The following SNTB1 variants were observed in gnomAD, a reference collection of about 807,000 sequenced individuals.
The protein encoded by SNTB1 is syntrophin beta 1.
Under a neutral mutation model 48.9 loss-of-function variants are expected in SNTB1, and 36 were observed. The ratio of observed to expected loss-of-function variants is 0.74; its 90% CI spans 0.56 to 0.97. The LOEUF is 0.97. SNTB1 is among the 50% of genes least tolerant of loss of function. The pLI is 0.00. For missense variants in SNTB1, 786 were observed against 703.4 expected (o/e 1.12, Z -1.33); for synonymous variants, 299 against 294.6 (o/e 1.01, Z -0.15).
chr8:120,639,875 C>T (rs777743709), intron 2 of SNTB1, among the ~76,000 whole-genome samples: 1 of 152,068 alleles, frequency 6.6e-6, no homozygotes, highest in East Asian at 1.9e-4. Context: ...CTTTTTTGTT[C>T]CATACGAACT....
intron 1 of SNTB1, among the ~76,000 whole-genome samples, chr8:120,709,827 T>C (rs776575603): frequency 2.0e-5 from 3 of 152,112 alleles, no homozygotes; most frequent in Non-Finnish European, 4.4e-5. Context: ...TGAGATTTCT[T>C]CTCTTGAAAA....
rs1418948743 is a variant in SNTB1 at position 120,688,009 on chromosome 8, C to T, written c.788+5683G>A. ...TATCCAGGCATCTTACAGGACTTAACAGATGGCACCTCTCTGAATCACAGT... is the reference window on the plus strand; with the variant it reads ...TATCCAGGCATCTTACAGGACTTAATAGATGGCACCTCTCTGAATCACAGT... On this transcript the variant is annotated intron_variant, in intron 2 of 6. Transcript: ENST00000517992. Among the ~76,000 whole-genome samples, 4 of 152,194 alleles carry T rather than the reference C, an allele frequency of 2.6e-5. No homozygotes were observed. The East Asian group carries it at 5.8e-4, about 22-fold the overall frequency.
chr8:120,547,710 T>C (rs1317926846), intron 5 of SNTB1, among the ~76,000 whole-genome samples: 1 of 152,104 alleles, frequency 6.6e-6, no homozygotes, highest in Non-Finnish European at 1.5e-5. Context: ...GGTTCTTCCT[T>C]CTACACACAT....
chr8:120,635,223 A>G (rs1448174658), intron 2 of SNTB1, among the ~76,000 whole-genome samples: 1 of 152,178 alleles, frequency 6.6e-6, no homozygotes, highest in Non-Finnish European at 1.5e-5. Flanking sequence ...TGGGTAATAA[A>G]TCTAAGGTGA....
rs746616541 is a variant in SNTB1, at chr8:120,632,451, G to A, written c.989C>T (p.Ala330Val). The change falls in exon 3 of 7, where the codon GCA (alanine) becomes GTA (valine). Residue 330 changes from alanine (A) to valine (V), a missense_variant. By Grantham distance (64) the Ala-to-Val change is moderately conservative. Transcript: ENST00000517992. Reference protein sequence around the residue: ...SREIRHLGWLAEKVPGESKKQ... With the variant: ...SREIRHLGWLVEKVPGESKKQ... ...GGAAGGTATTTTCCTTACCTTTTCTGCAAGCCAGCCAAGATGCCTAATCTC... is the reference window on the plus strand; with the variant it reads ...GGAAGGTATTTTCCTTACCTTTTCTACAAGCCAGCCAAGATGCCTAATCTC... The A allele has an allele frequency of 9.3e-6, 15 of 1,613,736 alleles. No individual in the cohort carries two copies. The Admixed American group carries it at 1.8e-4, about 20-fold the overall frequency.
chr8:120,670,758 G>A (rs1212856990), intron 2 of SNTB1, among the ~76,000 whole-genome samples: 2 of 152,156 alleles, frequency 1.3e-5, no homozygotes, highest in Non-Finnish European at 2.9e-5. Context: ...AGTGGACATG[G>A]ACTCAGAAGC....
intron 2 of SNTB1, among the ~76,000 whole-genome samples, chr8:120,633,675 A>G (rs1029610600): frequency 6.6e-6 from 1 of 152,182 alleles, no homozygotes; most frequent in Non-Finnish European, 1.5e-5. Flanking sequence ...CAGAACTGTA[A>G]TTGGATTACT....
At chr8:120,583,601 G>A (rs758199040) in intron 3 of SNTB1, among the ~76,000 whole-genome samples, 5 of 150,474 alleles carry the variant, frequency 3.3e-5, no homozygotes, top group African/African-American at 4.9e-5. Context: ...AAACTGAATC[G>A]GTAGTTTAAA....
chr8:120,674,009 C>T (rs965634056), intron 2 of SNTB1, among the ~76,000 whole-genome samples: 6 of 152,114 alleles, frequency 3.9e-5, no homozygotes, highest in African/African-American at 9.7e-5. Flanking sequence ...AGAATATTTT[C>T]CCTCATAAGC....
chr8:120,550,528 C>T (rs1205553439), intron 4 of SNTB1, among the ~76,000 whole-genome samples: 5 of 129,868 alleles, frequency 3.9e-5, no homozygotes, highest in African/African-American at 6.0e-5. Flanking sequence ...GGCAACAGTG[C>T]GAGACTCTGT....
intron 2 of SNTB1, among the ~76,000 whole-genome samples, chr8:120,645,524 T>G (rs1028051178): frequency 3.3e-4 from 50 of 151,406 alleles, no homozygotes; most frequent in African/African-American, 1.1e-3. Context: ...TTGATCTATA[T>G]CTCTGTTTTG....
intron 3 of SNTB1, among the ~76,000 whole-genome samples, chr8:120,615,873 T>G (rs1285445166): frequency 6.6e-6 from 1 of 152,208 alleles, no homozygotes; most frequent in Non-Finnish European, 1.5e-5. Context: ...CTCTCTTAAC[T>G]GGATGTAGCT....
chr8:120,613,225 C>T lies in SNTB1; in HGVS notation c.996+19219G>A, dbSNP rs1816654027. 2.0e-5 allele frequency among the ~76,000 whole-genome samples: 3 copies of T among 152,024 alleles called. No individual in the cohort carries two copies. The South Asian group carries it at 6.2e-4, about 32-fold the overall frequency. ...AATTAGCCAGGCATGGTGGTGGGCG[C>T]CTATAATCCCAGCTACTTGGGAGGC... is the stretch of plus-strand genomic sequence containing the variant. On this transcript the variant is annotated intron_variant, in intron 3 of 6. Coordinates refer to ENST00000517992, the MANE Select transcript of SNTB1 (RefSeq NM_021021.4).
intron 5 of SNTB1, among the ~76,000 whole-genome samples, chr8:120,543,234 G>A (rs1815322051): frequency 6.6e-6 from 1 of 152,138 alleles, no homozygotes; most frequent in Non-Finnish European, 1.5e-5. Flanking sequence ...AGGTTATTAA[G>A]GATCAGATTG....
At chr8:120,641,973 A>C (rs915451670) in intron 2 of SNTB1, among the ~76,000 whole-genome samples, 2 of 152,152 alleles carry the variant, frequency 1.3e-5, no homozygotes, top group Non-Finnish European at 2.9e-5. Context: ...ACTTTTTGGC[A>C]GCGATTCTCA....
At chr8:120,593,772 C>T (rs996165608) in intron 3 of SNTB1, among the ~76,000 whole-genome samples, 1 of 152,118 alleles carries the variant, frequency 6.6e-6, no homozygotes, top group Non-Finnish European at 1.5e-5. Flanking sequence ...GAGGTTTTTC[C>T]TAATTGCATA....
intron 1 of SNTB1, among the ~76,000 whole-genome samples, chr8:120,752,605 C>T (rs1207034493): frequency 6.6e-6 from 1 of 152,140 alleles, no homozygotes; most frequent in African/African-American, 2.4e-5. Context: ...ATACACACTA[C>T]AGAATACTAC....
chr8:120,706,633 GA>G (rs1818380375), intron 1 of SNTB1, among the ~76,000 whole-genome samples: 1 of 152,138 alleles, frequency 6.6e-6, no homozygotes, highest in Non-Finnish European at 1.5e-5. Context: ...AGGCAGAAAG[GA>G]TGTCTGAATG....
rs181313526 is a variant in SNTB1, at chr8:120,542,451, C to T, written c.1334-451G>A. Among the ~76,000 whole-genome samples, 73 of 152,200 alleles carry T rather than the reference C, an allele frequency of 4.8e-4. 1 individual carries two copies. The highest frequency in any genetic ancestry group is 8.5e-4 in the Non-Finnish European group (58 of 68,016). On this transcript the variant is annotated intron_variant, in intron 5 of 6. Transcript: ENST00000517992. Reference sequence around the variant, plus strand: ...GGCAGATCACTTGAGGTCAGGAGTTCGAGACCAGCCTGGCCAATATGGTGC... The same window carrying T: ...GGCAGATCACTTGAGGTCAGGAGTTTGAGACCAGCCTGGCCAATATGGTGC...
Sources: allele counts gnomAD v4.1 joint callset (sites outside exome capture counted in the v4.1 genomes callset), GRCh38; gene constraint gnomAD v4.1.1; transcripts MANE v1.5; gene names NCBI Gene and HGNC (gene_info 2026-07-23, HGNC 2026-07-21).